Variants in ECE1 observed in about 807,000 individuals in gnomAD.
The protein encoded by ECE1 is endothelin-converting enzyme 1.
In ECE1, 35 loss-of-function variants were observed where a neutral mutation model predicts 98.6. The ratio of observed to expected loss-of-function variants is 0.35; its 90% CI spans 0.27 to 0.47. The LOEUF is 0.47. Ranked by LOEUF, ECE1 falls within the 20% of genes least tolerant of loss-of-function variation. ECE1 has a pLI of 1.00. For synonymous variants in ECE1, 394 were observed against 407.1 expected (o/e 0.97, Z 0.39); for missense variants, 814 against 1,025.3 (o/e 0.79, Z 2.81).
chr1:21,227,826 A>G (rs6426676), intron 15 of ECE1, 105 bp downstream of exon 15: 852,055 of 874,120 alleles, frequency 0.97, 415,357 homozygotes, highest in East Asian at 1. Flanking sequence ...CTGCAACCTG[A>G]AGCACTGGGG....
chr1:21,274,018 C>T (rs978015147), intron 3 of ECE1, among the ~76,000 whole-genome samples: 5 of 152,304 alleles, frequency 3.3e-5, no homozygotes, highest in African/African-American at 4.8e-5. Flanking sequence ...CCCCATCGTC[C>T]GTTTACCCAG....
intron 4 of ECE1, among the ~76,000 whole-genome samples, chr1:21,270,232 T>A (rs1435870179): frequency 2.0e-5 from 3 of 152,170 alleles, no homozygotes; most frequent in African/African-American, 7.2e-5. Flanking sequence ...AGTTGCTGCA[T>A]CTATAAAATG....
rs213030 is a variant in ECE1, at chr1:21,327,354, C to T, written c.3+18022G>A. ...TCTGTTTTCTCATTTGTCAAAGCGA[C>T]GGGCTGATCCCCTGCCCCACTCCAA... is the stretch of plus-strand genomic sequence containing the variant. On this transcript the variant is annotated intron_variant, in intron 1 of 18. Transcript: ENST00000415912. The surrounding 1 kb of genome is among the most constrained non-coding windows in gnomAD (Gnocchi z 4.6). 0.36 allele frequency among the ~76,000 whole-genome samples: 54,366 copies of T among 152,016 alleles called. 11,378 individuals carry two copies. Among genetic ancestry groups the T allele is most frequent in the African/African-American group, 0.58 (24,110 of 41,462 alleles).
chr1:21,292,467 G>A (rs965169923), upstream of ECE1, among the ~76,000 whole-genome samples: 1 of 152,162 alleles, frequency 6.6e-6, no homozygotes, highest in Non-Finnish European at 1.5e-5. Flanking sequence ...CTCCTCAAAT[G>A]TCCCAGGAAC....
intron 1 of ECE1, among the ~76,000 whole-genome samples, chr1:21,313,479 A>C (rs1558428473): frequency 6.6e-6 from 1 of 152,228 alleles, no homozygotes; most frequent in East Asian, 1.9e-4. Flanking sequence ...CCCTAGCTGC[A>C]GTCTTGGTCC....
Position 21,340,158 on chromosome 1 carries a change from T to C in ECE1, c.3+5218A>G, listed in dbSNP as rs1459418255. Among the ~76,000 whole-genome samples the C allele has an allele frequency of 1.3e-5, 2 of 152,214 alleles. No homozygotes were observed. Among genetic ancestry groups the C allele is most frequent in the Non-Finnish European group, 2.9e-5 (2 of 68,044 alleles). On this transcript the variant is annotated intron_variant, in intron 1 of 18. Coordinates refer to the ECE1 transcript ENST00000415912. This position sits in a 1 kb window ranked among gnomAD's most constrained non-coding sequence, Gnocchi z 4.6. Reference sequence around the variant, plus strand: ...TGCATCCCCAGGTTGGCACATAGCATTTTCTACCTTATTTCAGAGCGATCT... The same window carrying C: ...TGCATCCCCAGGTTGGCACATAGCACTTTCTACCTTATTTCAGAGCGATCT...
At chr1:21,279,052 C>T in intron 3 of ECE1, 139 bp downstream of exon 3, 3 of 1,443,194 alleles carry the variant, frequency 2.1e-6, no homozygotes, top group Non-Finnish European at 2.9e-6. Flanking sequence ...TATCTCAGCA[C>T]CCAGACCCCC....
chr1:21,334,448 G>A (rs775005665), intron 1 of ECE1, among the ~76,000 whole-genome samples: 2 of 152,256 alleles, frequency 1.3e-5, no homozygotes, highest in Non-Finnish European at 2.9e-5. Flanking sequence ...AAAGCCACAG[G>A]ATTCCCTCCA....
At chr1:21,335,550 G>A (rs556057037) in intron 1 of ECE1, among the ~76,000 whole-genome samples, 1 of 152,300 alleles carries the variant, frequency 6.6e-6, no homozygotes, top group East Asian at 1.9e-4. Context: ...TCAGACCGAG[G>A]GCGACCTGAT....
rs1260240078 is a variant in ECE1 at position 21,220,534 on chromosome 1, C to A, written c.2137-403G>T. ...ACAAGGTTGGGTGTGGTGGCTCATA[C>A]CTGTAATCCCAGCACTTTAAGAGGC... On this transcript the variant is annotated intron_variant, in intron 18 of 18. Coordinates refer to ENST00000374893, the MANE Select transcript of ECE1 (RefSeq NM_001397.3). The surrounding 1 kb of genome is among the most constrained non-coding windows in gnomAD (Gnocchi z 5.0). 1.3e-5 allele frequency among the ~76,000 whole-genome samples: 2 copies of A among 152,078 alleles called. No individual in the cohort carries two copies. Among genetic ancestry groups the A allele is most frequent in the Non-Finnish European group, 2.9e-5 (2 of 68,020 alleles).
chr1:21,248,970 C>T (rs2098208167), intron 8 of ECE1, among the ~76,000 whole-genome samples: 1 of 152,138 alleles, frequency 6.6e-6, no homozygotes, highest in Admixed American at 6.5e-5. Flanking sequence ...CCACAGCTAG[C>T]ATTTCCCAGC....
At chr1:21,298,574 A>G (rs1401213579) in intron 1 of ECE1, 1 of 367,034 alleles carries the variant, frequency 2.7e-6, no homozygotes, top group Non-Finnish European at 5.4e-6. Context: ...CTAGCAGAGA[A>G]GCAGCACATG....
In ECE1 at chr1:21,290,081, T is replaced by G; in HGVS notation, c.127A>C (p.Asn43His). The G allele has an allele frequency of 6.6e-7, 1 of 1,510,136 alleles. No homozygotes were observed. Among genetic ancestry groups the G allele is most frequent in the Non-Finnish European group, 8.9e-7 (1 of 1,124,828 alleles). The allele number at this position is 1,510,136 out of a possible 1,614,324, so 93.5% of individuals were successfully genotyped here. The stretch of plus-strand genomic sequence containing the variant: ...CGGAGGGCGCCTACCTGCAGGCCGT[T>G]GGGGTATGCGTCGCCCTCGGAGAGC... ...DSLSEGDAYP[N>H]GLQVNFHSPR... The change falls in exon 2 of 19, where the codon AAC becomes CAC. Residue 43 changes from asparagine (N) to histidine (H), a missense_variant. Around this residue, in one of 3 missense-constraint regions of ECE1, gnomAD observed 257 missense variants for 278.9 expected, o/e 0.92. Transcript: ENST00000374893. This position sits in a 1 kb window ranked among gnomAD's most constrained non-coding sequence, Gnocchi z 7.3.
chr1:21,262,270 A>C (rs1470336590), intron 4 of ECE1, among the ~76,000 whole-genome samples: 1 of 152,098 alleles, frequency 6.6e-6, no homozygotes, highest in African/African-American at 2.4e-5. Context: ...CTGGGTTGCT[A>C]AGTGCTGGAA....
Position 21,258,614 on chromosome 1 carries a change from C to G in ECE1, c.762+79G>C. Reference sequence around the variant, plus strand: ...TCCCACCCAGGGCAAGCCCCTCTCCCACCCCAGGTCCTGCTAAACTCAAAA... The same window carrying G: ...TCCCACCCAGGGCAAGCCCCTCTCCGACCCCAGGTCCTGCTAAACTCAAAA... On this transcript the variant is annotated intron_variant, in intron 6 of 18. Transcript: ENST00000374893. This position sits in a 1 kb window ranked among gnomAD's most constrained non-coding sequence, Gnocchi z 4.2. 6.4e-7 allele frequency: 1 copy of G among 1,557,934 alleles called. No individual in the cohort carries two copies. The highest frequency in any genetic ancestry group is 8.8e-7 in the Non-Finnish European group (1 of 1,139,578).
intron 1 of ECE1, among the ~76,000 whole-genome samples, chr1:21,324,101 C>A (rs1468223484): frequency 1.3e-5 from 2 of 152,058 alleles, no homozygotes; most frequent in Non-Finnish European, 2.9e-5. Flanking sequence ...GGATTACAGG[C>A]ATGAGCCACT....
intron 4 of ECE1, among the ~76,000 whole-genome samples, chr1:21,270,368 C>T (rs939063838): frequency 6.6e-5 from 10 of 152,372 alleles, no homozygotes; most frequent in Non-Finnish European, 1.2e-4. Context: ...TCAGGCTCTG[C>T]GCCCCCTGCA....
chr1:21,282,099 C>T (rs2098255232), intron 2 of ECE1, among the ~76,000 whole-genome samples: 1 of 152,044 alleles, frequency 6.6e-6, no homozygotes, highest in Non-Finnish European at 1.5e-5. Flanking sequence ...CCAGCCTGGG[C>T]AACACAGTCA....
intron 4 of ECE1, chr1:21,266,773 C>T (rs983301815): frequency 1.3e-5 from 2 of 152,176 alleles, no homozygotes. Flanking sequence ...TTGGGTAACT[C>T]GTCCTAGGTC....
Sources: allele counts gnomAD v4.1 joint callset (sites outside exome capture counted in the v4.1 genomes callset), GRCh38; gene constraint gnomAD v4.1.1; regional missense constraint gnomAD v4.1.1; non-coding constraint Gnocchi (gnomAD v3.1); transcripts MANE v1.5; gene names NCBI Gene and HGNC (gene_info 2026-07-23, HGNC 2026-07-21).